The following ARK2N variants were observed in gnomAD, a reference collection of about 807,000 sequenced individuals.
ARK2N encodes protein ARK2N.
At chr18:46,181,539 C>T in the ARK2N span, among the ~76,000 whole-genome samples, 1 of 151,908 alleles carries the variant, frequency 6.6e-6, no homozygotes, top group Non-Finnish European at 1.5e-5. Context: ...GTGGTGAAAC[C>T]CCGTCTCTAC....
At chr18:46,245,725 C>G in the ARK2N span, among the ~76,000 whole-genome samples, 1 of 151,992 alleles carries the variant, frequency 6.6e-6, no homozygotes, top group African/African-American at 2.4e-5. Flanking sequence ...CAGTGTGTTG[C>G]AAAGCTCAGG....
the ARK2N span, chr18:46,215,980 T>G: frequency 6.2e-7 from 1 of 1,614,090 alleles, no homozygotes; most frequent in Non-Finnish European, 8.5e-7. Context: ...GGAAGATGGA[T>G]CTGTAGAACT....
At chr18:46,253,953 T>G in the ARK2N span, 1 of 1,132,036 alleles carries the variant, frequency 8.8e-7, no homozygotes, top group African/African-American at 1.6e-5. Flanking sequence ...TTCTTGGTTT[T>G]GTTTTGTTTA....
At chr18:46,228,252 T>C in the ARK2N span, among the ~76,000 whole-genome samples, 1 of 152,192 alleles carries the variant, frequency 6.6e-6, no homozygotes, top group African/African-American at 2.4e-5. Context: ...AGATTTTTAT[T>C]AGACATGGAT....
chr18:46,219,183 A>T, the ARK2N span: 1 of 152,216 alleles, frequency 6.6e-6, no homozygotes, highest in Non-Finnish European at 1.5e-5. Context: ...TGAGTTTGAT[A>T]TCTGGGCAAC....
the ARK2N span, among the ~76,000 whole-genome samples, chr18:46,183,737 T>A: frequency 6.6e-6 from 1 of 152,166 alleles, no homozygotes; most frequent in African/African-American, 2.4e-5. Flanking sequence ...TTGCATTGTC[T>A]GCATTGTCTA....
chr18:46,206,831 C>T, the ARK2N span, among the ~76,000 whole-genome samples: 237 of 152,214 alleles, frequency 1.6e-3, 1 homozygote, highest in Admixed American at 2.9e-3. Context: ...GGCTGGAGTG[C>T]AGTGGCATAA....
At chr18:46,197,046 C>T in the ARK2N span, among the ~76,000 whole-genome samples, 1 of 152,114 alleles carries the variant, frequency 6.6e-6, no homozygotes, top group Admixed American at 6.6e-5. Context: ...CTTCTGCCGT[C>T]TTCTATTATT....
chr18:46,202,069 T>C, the ARK2N span, among the ~76,000 whole-genome samples: 1 of 152,098 alleles, frequency 6.6e-6, no homozygotes, highest in African/African-American at 2.4e-5. Flanking sequence ...TGAGCCACCA[T>C]GCCTGGCCTA....
At chr18:46,179,577 G>A in the ARK2N span, among the ~76,000 whole-genome samples, 2 of 151,834 alleles carry the variant, frequency 1.3e-5, no homozygotes, top group African/African-American at 2.4e-5. Context: ...AAAGTAAGGA[G>A]CAGGAGCAGG....
the ARK2N span, among the ~76,000 whole-genome samples, chr18:46,198,739 C>T: frequency 6.6e-6 from 1 of 152,040 alleles, no homozygotes; most frequent in African/African-American, 2.4e-5. Context: ...GCTGGGACTA[C>T]AGGCGTGCAC....
At chr18:46,213,342 A>G in the ARK2N span, among the ~76,000 whole-genome samples, 1 of 152,078 alleles carries the variant, frequency 6.6e-6, no homozygotes, top group Non-Finnish European at 1.5e-5. Flanking sequence ...TTGAATCTCC[A>G]TAATAGAATT....
chr18:46,211,304 G>A, the ARK2N span, among the ~76,000 whole-genome samples: 2 of 152,100 alleles, frequency 1.3e-5, no homozygotes, highest in Admixed American at 6.6e-5. Context: ...GACCCCCTGG[G>A]CTCAAGGCAT....
At chr18:46,258,205 C>A in the ARK2N span, among the ~76,000 whole-genome samples, 1 of 152,136 alleles carries the variant, frequency 6.6e-6, no homozygotes, top group Non-Finnish European at 1.5e-5. Context: ...GGATTACAGG[C>A]GTGAGCCACC....
the ARK2N span, among the ~76,000 whole-genome samples, chr18:46,184,605 C>T: frequency 6.6e-6 from 1 of 152,094 alleles, no homozygotes; most frequent in African/African-American, 2.4e-5. Context: ...GGCTGTAGTC[C>T]CAGCTACTCA....
chr18:46,257,841 T>C, the ARK2N span, among the ~76,000 whole-genome samples: 3 of 152,164 alleles, frequency 2.0e-5, no homozygotes, highest in Non-Finnish European at 1.5e-5. Flanking sequence ...CCTGTGATCA[T>C]TGGCGTTAAT....
the ARK2N span, among the ~76,000 whole-genome samples, chr18:46,201,708 C>A: frequency 6.6e-6 from 1 of 151,604 alleles, no homozygotes; most frequent in Non-Finnish European, 1.5e-5. Context: ...CTTTCACTAG[C>A]GGTATAAGCT....
chr18:46,239,967 C>T, the ARK2N span: 3 of 1,586,802 alleles, frequency 1.9e-6, no homozygotes, highest in Non-Finnish European at 2.6e-6. Context: ...TTTCACCCCA[C>T]ACGTTAGATA....
chr18:46,235,638 TC>T, the ARK2N span, among the ~76,000 whole-genome samples: 1 of 152,214 alleles, frequency 6.6e-6, no homozygotes, highest in South Asian at 2.1e-4. Flanking sequence ...AATCTGTACT[TC>T]CTATGCTGCT....
Sources: allele counts gnomAD v4.1 joint callset (sites outside exome capture counted in the v4.1 genomes callset), GRCh38; gene constraint gnomAD v4.1.1; transcripts MANE v1.5; gene names NCBI Gene and HGNC (gene_info 2026-07-23, HGNC 2026-07-21).